Variants in SLC3A1 observed in about 807,000 individuals in gnomAD.
SLC3A1 encodes the protein solute carrier family 3 member 1.
In SLC3A1, 78 loss-of-function variants were observed where a neutral mutation model predicts 60.3. That is an observed-to-expected ratio of 1.29 (90% CI 1.08 to 1.56). The LOEUF (loss-of-function observed/expected upper bound fraction) is 1.56, where lower values mean the gene tolerates loss of function less well. Among genes scored for constraint, SLC3A1 ranks in the 40% most tolerant of loss-of-function variants. The pLI is 0.00. For missense variants in SLC3A1, 1,172 were observed against 858.9 expected, an observed-to-expected ratio of 1.36 and a Z score of -4.56; for synonymous variants, 392 against 307.9, an observed-to-expected ratio of 1.27 and a Z score of -2.86.
chr2:44,319,919 A>G (rs569078123), intron 9 of SLC3A1: 19 of 370,102 alleles, frequency 5.1e-5, no homozygotes, highest in Middle Eastern at 7.8e-4. Flanking sequence ...TGGGACTCCT[A>G]AAGTGGAGTC....
chr2:44,299,376 C>A (rs545820257), intron 4 of SLC3A1, among the ~76,000 whole-genome samples: 2 of 152,178 alleles, frequency 1.3e-5, no homozygotes, highest in Non-Finnish European at 2.9e-5. Context: ...TTCAAGACAA[C>A]ACTAGTATCT....
In SLC3A1 at chr2:44,320,707, G is replaced by A; in HGVS notation, c.*68G>A. 2 of 1,177,424 alleles carry A rather than the reference G, an allele frequency of 1.7e-6. No individual in the cohort carries two copies. Among genetic ancestry groups the A allele is most frequent in the East Asian group, 2.3e-5 (1 of 42,722 alleles). 72.9% of individuals were successfully genotyped at this position (1,177,424 alleles called of 1,614,324 possible). On this transcript the variant is annotated 3_prime_UTR_variant, in exon 10 of 10. Coordinates refer to ENST00000260649, the MANE Select transcript of SLC3A1 (RefSeq NM_000341.4). ...TTGTAAGCATTTGTAATAGCTTCAT[G>A]TACAGCATGCTGCTTGGTGAACAAT...
At chr2:44,298,336 C>T (rs150454942) in intron 4 of SLC3A1, among the ~76,000 whole-genome samples, 19 of 152,272 alleles carry the variant, frequency 1.2e-4, no homozygotes, top group Non-Finnish European at 2.6e-4. Flanking sequence ...CCTACTCTTA[C>T]TTATGCTCCT....
chr2:44,277,814 T>G (rs1024366045), intron 1 of SLC3A1, among the ~76,000 whole-genome samples: 1 of 152,234 alleles, frequency 6.6e-6, no homozygotes, highest in Non-Finnish European at 1.5e-5. Context: ...GTTTGTCATT[T>G]CCAATACCTG....
chr2:44,280,922 T>A (rs759230205), intron 2 of SLC3A1, 27 bp downstream of exon 2: 54 of 1,600,890 alleles, frequency 3.4e-5, no homozygotes, highest in Non-Finnish European at 4.3e-5. Flanking sequence ...GTGGGCAAGA[T>A]GGGGATGAGG....
intron 7 of SLC3A1, among the ~76,000 whole-genome samples, chr2:44,309,041 A>AT (rs930672458): frequency 6.6e-6 from 1 of 152,128 alleles, no homozygotes; most frequent in Non-Finnish European, 1.5e-5. Context: ...CTTCTGAGGA[A>AT]TTTTTTGTTT....
rs2104325874 is a variant in SLC3A1, at chr2:44,275,798, T to G, written c.263T>G (p.Ile88Ser). The change falls in exon 1 of 10, where the codon ATC (isoleucine) becomes AGC (serine). Residue 88 changes from isoleucine to serine, a missense_variant. Coordinates refer to ENST00000260649, the MANE Select transcript of SLC3A1 (RefSeq NM_000341.4). ...GQARYRIPREILFWLTVASVL... is the reference protein window; with the variant it reads ...GQARYRIPRESLFWLTVASVL... ...GCCCGCTACCGCATACCTCGGGAGA[T>G]CCTCTTCTGGCTCACAGTGGCTTCT... 6.2e-7 allele frequency: 1 copy of G among 1,614,246 alleles called. No individual in the cohort carries two copies. Among genetic ancestry groups the G allele is most frequent in the Non-Finnish European group, 8.5e-7 (1 of 1,180,052 alleles).
chr2:44,284,953 A>T (rs930332013), intron 3 of SLC3A1: 2 of 152,200 alleles, frequency 1.3e-5, no homozygotes, highest in African/African-American at 4.8e-5. Flanking sequence ...TACAGTAATT[A>T]TCTAATTCCT....
At chr2:44,297,497 GC>G (rs1271387555) in intron 4 of SLC3A1, among the ~76,000 whole-genome samples, 1 of 152,086 alleles carries the variant, frequency 6.6e-6, no homozygotes, top group Non-Finnish European at 1.5e-5. Flanking sequence ...CTCCTGCTGT[GC>G]CCACCCACAT....
At chr2:44,302,556 G>A (rs752437129) in intron 6 of SLC3A1, among the ~76,000 whole-genome samples, 1 of 152,188 alleles carries the variant, frequency 6.6e-6, no homozygotes, top group Non-Finnish European at 1.5e-5. Flanking sequence ...AACTGAAGCA[G>A]TTGGGCTCCA....
chr2:44,312,832 A>G (rs1672332999), intron 8 of SLC3A1, 79 bp downstream of exon 8: 19 of 1,157,498 alleles, frequency 1.6e-5, no homozygotes, highest in Non-Finnish European at 2.2e-5. Context: ...AAATCAGAGA[A>G]CTTACTATCT....
chr2:44,288,945 G>C (rs1671677454), intron 4 of SLC3A1, among the ~76,000 whole-genome samples: 1 of 150,598 alleles, frequency 6.6e-6, no homozygotes, highest in Non-Finnish European at 1.5e-5. Context: ...AGTGATTCTT[G>C]CGCCTCAGCT....
At chr2:44,311,871 G>A (rs1443396034) in intron 7 of SLC3A1, among the ~76,000 whole-genome samples, 1 of 152,066 alleles carries the variant, frequency 6.6e-6, no homozygotes. Context: ...TTTGTAAAAC[G>A]GAGATAGTAC....
Position 44,321,221 on chromosome 2 carries a change from T to C in SLC3A1, c.*582T>C. The C allele has an allele frequency of 6.4e-6, 5 of 776,334 alleles. No homozygotes were observed. Among genetic ancestry groups the C allele is most frequent in the Non-Finnish European group, 8.2e-6 (4 of 485,198 alleles). The allele number at this position is 776,334 out of a possible 1,614,324, so 48.1% of individuals were successfully genotyped here. On this transcript the variant is annotated 3_prime_UTR_variant, in exon 10 of 10. Transcript: ENST00000260649. ...AGTGAGATGTAGACTAAGCAAAATT[T>C]AGATGGAGAAGCACATTTTAAAAAA... is the stretch of plus-strand genomic sequence containing the variant.
At position 44,320,460 on chromosome 2, in the gene SLC3A1, G is replaced by A. The variant is rs1439333993; in HGVS notation, c.1879G>A (p.Ala627Thr). 6.2e-7 allele frequency: 1 copy of A among 1,614,124 alleles called. No individual in the cohort carries two copies. The change falls in exon 10 of 10, where the codon GCC becomes ACC. Residue 627 changes from alanine (A) to threonine (T), a missense_variant. Ala to Thr is a moderately conservative substitution (Grantham distance 58). Transcript: ENST00000260649. ...GAGAATAAGGTTAAGTACCAATTCT[G>A]CCGACAAAGGCAGTAAAGTTGATAC... The part of the protein sequence containing the change: ...KMRIRLSTNS[A>T]DKGSKVDTSG...
At chr2:44,312,878 TTTTC>T (rs767824274) in intron 8 of SLC3A1, 125 bp downstream of exon 8, 119 of 790,534 alleles carry the variant, frequency 1.5e-4, no homozygotes, top group Non-Finnish European at 2.3e-4. Context: ...GTTACTTTGC[TTTTC>T]TTTCTTACTG....
At chr2:44,311,741 ACCT>A (rs770527084) in intron 7 of SLC3A1, among the ~76,000 whole-genome samples, 5 of 151,196 alleles carry the variant, frequency 3.3e-5, no homozygotes, top group African/African-American at 4.9e-5. Flanking sequence ...AAAAAACCCA[ACCT>A]CCTATTTCTT....
Position 44,321,287 on chromosome 2 carries a change from C to A in SLC3A1, c.*648C>A. ...TCTCAAGTTATTAATTTTTTTTTTG[C>A]TAACTCAATTGGAAGTAAGACTATG... On this transcript the variant is annotated 3_prime_UTR_variant, in exon 10 of 10. Transcript: ENST00000260649. 1 of 1,251,146 alleles carries A rather than the reference C, an allele frequency of 8.0e-7. No homozygotes were observed. The highest frequency in any genetic ancestry group is 1.1e-6 in the Non-Finnish European group (1 of 891,182). The allele number at this position is 1,251,146 out of a possible 1,614,324, so 77.5% of individuals were successfully genotyped here.
At chr2:44,276,881 T>C (rs1671355689) in intron 1 of SLC3A1, among the ~76,000 whole-genome samples, 1 of 152,168 alleles carries the variant, frequency 6.6e-6, no homozygotes, top group Admixed American at 6.5e-5. Context: ...ATGGTCACTC[T>C]ACTTCAAGGC....
Sources: allele counts gnomAD v4.1 joint callset (sites outside exome capture counted in the v4.1 genomes callset), GRCh38; gene constraint gnomAD v4.1.1; transcripts MANE v1.5; gene names NCBI Gene and HGNC (gene_info 2026-07-23, HGNC 2026-07-21).